Variants in SMARCA4 observed in about 807,000 individuals in gnomAD.
SMARCA4 encodes the protein SWI/SNF-related matrix-associated actin-dependent regulator of chromatin subfamily A member 4.
A neutral mutation model predicts 193.9 loss-of-function variants in SMARCA4; 31 were observed. The observed-to-expected ratio is 0.16, with a 90% CI of 0.12 to 0.22. The LOEUF (loss-of-function observed/expected upper bound fraction) is 0.22. Among genes scored for constraint, SMARCA4 ranks in the 10% least tolerant of loss-of-function variants. The pLI is 1.00. For synonymous variants in SMARCA4, 942 were observed against 933.1 expected, an observed-to-expected ratio of 1.01 and a Z score of -0.17; for missense variants, 1,148 against 2,296.0, an observed-to-expected ratio of 0.50 and a Z score of 10.22.
At chr19:11,056,547 C>T (rs1229950666) in intron 30 of SMARCA4, among the ~76,000 whole-genome samples, 2 of 152,162 alleles carry the variant, frequency 1.3e-5, no homozygotes, top group African/African-American at 4.8e-5. Flanking sequence ...TCACTCCCAC[C>T]TCAATTTCCT....
At chr19:11,010,662 C>T in intron 15 of SMARCA4, 131 bp downstream of exon 15, 1 of 868,116 alleles carries the variant, frequency 1.2e-6, no homozygotes, top group East Asian at 2.5e-5. Context: ...CACTCTTCCC[C>T]TCTGAGCCTC....
At position 10,987,033 on chromosome 19, in the gene SMARCA4, C is replaced by T. The variant is rs73013139; in HGVS notation, c.859+30C>T. 0.013 allele frequency: 18,974 copies of T among 1,487,202 alleles called. 315 individuals carry two copies. The highest frequency in any genetic ancestry group is 0.061 in the South Asian group (5,367 of 88,448). The allele number at this position is 1,487,202 out of a possible 1,614,324, so 92.1% of individuals were successfully genotyped here. On this transcript the variant is annotated intron_variant, in intron 5 of 34. Transcript: ENST00000344626. The surrounding 1 kb of genome is among the most constrained non-coding windows in gnomAD (Gnocchi z 5.3). ...GCTCCCTCTTCTATGGTGGTGCACC[C>T]GTGCCCTTACTCCCCATCTCAAGCT...
At chr19:11,013,373 CTCT>C (rs1359722701) in intron 16 of SMARCA4, among the ~76,000 whole-genome samples, 3 of 152,330 alleles carry the variant, frequency 2.0e-5, no homozygotes, top group East Asian at 1.9e-4. Context: ...GTGTCCTCAT[CTCT>C]TCTTCTTAGA....
Position 11,007,711 on chromosome 19 carries a change from T to TA in SMARCA4, c.2002-183dup, listed in dbSNP as rs755056201. ...GCAACATCCTGAGACTCCCATATAT[T>TA]AAAAAAAATAATAATAAATACATAA... On this transcript the variant is annotated intron_variant, in intron 13 of 34. Coordinates refer to ENST00000344626, the MANE Select transcript of SMARCA4 (RefSeq NM_003072.5). Among the ~76,000 whole-genome samples the TA allele has an allele frequency of 8.6e-5, 13 of 151,612 alleles. No homozygotes were observed. In the South Asian group the frequency reaches 1.5e-3, roughly 17 times the overall value.
At chr19:11,048,164 T>G (rs1472299396) in intron 30 of SMARCA4, among the ~76,000 whole-genome samples, 4 of 152,212 alleles carry the variant, frequency 2.6e-5, no homozygotes, top group Admixed American at 2.6e-4. Flanking sequence ...CTCACTTTTT[T>G]GTCTCCAACT....
At chr19:10,980,549 G>A (rs112330595) in intron 1 of SMARCA4, among the ~76,000 whole-genome samples, 1 of 151,844 alleles carries the variant, frequency 6.6e-6, no homozygotes, top group Non-Finnish European at 1.5e-5. Context: ...CATGAGAATC[G>A]CTTGAACCCC....
rs372803010 is a variant in SMARCA4 at position 10,989,332 on chromosome 19, C to T, written c.1134C>T (p.Ile378=). Residue 378 remains isoleucine (I), a synonymous_variant, in exon 7 of 35, where the codon ATC becomes ATT. Coordinates refer to ENST00000344626, the MANE Select transcript of SMARCA4 (RefSeq NM_003072.5). ...QEREYRLQAR[I]AHRIQELENL... ...CTGCTCCCAGGCTGCAGGCTCGCAT[C>T]GCACACCGAATTCAGGAACTTGAAA... The T allele has an allele frequency of 5.1e-5, 82 of 1,614,010 alleles. No individual in the cohort carries two copies. The highest frequency in any genetic ancestry group is 6.1e-5 in the Non-Finnish European group (72 of 1,180,022).
intron 21 of SMARCA4, 34 bp downstream of exon 21, chr19:11,024,472 C>T: frequency 2.9e-6 from 4 of 1,400,078 alleles, no homozygotes; most frequent in Non-Finnish European, 4.1e-6. Flanking sequence ...GCATTCCCCA[C>T]TGGGTGTCCA....
At position 11,057,222 on chromosome 19, in the gene SMARCA4, G is replaced by A. The variant is rs534238250; in HGVS notation, c.4425-1033G>A. ...ATGCGTTCTCATTTTCCCAGCCTGCGGGCTGGGTTCTGTCAGAGCAAGGTC... is the reference window on the plus strand; with the variant it reads ...ATGCGTTCTCATTTTCCCAGCCTGCAGGCTGGGTTCTGTCAGAGCAAGGTC... On this transcript the variant is annotated intron_variant, in intron 30 of 34. Transcript: ENST00000344626. Among the ~76,000 whole-genome samples, 7 of 152,228 alleles carry A rather than the reference G, an allele frequency of 4.6e-5. No individual in the cohort carries two copies. In the South Asian group the frequency reaches 6.2e-4, roughly 14 times the overall value.
Position 11,035,065 on chromosome 19 carries a change from GC to G in SMARCA4, c.4105del (p.Arg1369ValfsTer15). 6.2e-7 allele frequency: 1 copy of G among 1,613,072 alleles called. No individual in the cohort carries two copies. Among genetic ancestry groups the G allele is most frequent in the Non-Finnish European group, 8.5e-7 (1 of 1,179,932 alleles). On this transcript the variant is annotated frameshift_variant, in exon 29 of 35. Coordinates refer to ENST00000344626, the MANE Select transcript of SMARCA4 (RefSeq NM_003072.5). LOFTEE classifies it high-confidence loss of function. ...GAGGAGGAGGAGGAGAAGATGTTCG[GC>G]CGTGGCTCCCGCCACCGCAAGGAGG... is the stretch of plus-strand genomic sequence containing the variant. ...TCEEEEEKMF[G>X]RGSRHRKEVD...
At chr19:11,035,523 C>T (rs529417678) in intron 29 of SMARCA4, among the ~76,000 whole-genome samples, 30 of 152,224 alleles carry the variant, frequency 2.0e-4, no homozygotes, top group Non-Finnish European at 3.4e-4. Context: ...CCCTGCAAAG[C>T]GTTGCACTGC....
In SMARCA4 at chr19:11,031,121, G is replaced by GT. The variant is rs1270092960; in HGVS notation, c.3546+229dup. The stretch of plus-strand genomic sequence containing the variant: ...CTTTCCCTCTGATTGGGAAAGCAGT[G>GT]TATAAGCCATCCGTCGGTTTGGTTT... On this transcript the variant is annotated intron_variant, in intron 25 of 34. Transcript: ENST00000344626. The surrounding 1 kb of genome is among the most constrained non-coding windows in gnomAD (Gnocchi z 4.3). 1 of 578,386 alleles carries GT rather than the reference G, an allele frequency of 1.7e-6. No individual in the cohort carries two copies. The highest frequency in any genetic ancestry group is 3.1e-6 in the Non-Finnish European group (1 of 321,628). 35.8% of individuals were successfully genotyped at this position (578,386 alleles called of 1,614,324 possible).
intron 24 of SMARCA4, among the ~76,000 whole-genome samples, chr19:11,029,576 TGA>T (rs1218143451): frequency 1.3e-5 from 2 of 152,224 alleles, no homozygotes; most frequent in Non-Finnish European, 2.9e-5. Flanking sequence ...ATCTGGTGCC[TGA>T]GAGAGGGTGG....
chr19:11,024,234 A>G, intron 20 of SMARCA4, 97 bp from the exon 21 acceptor site: 1 of 823,790 alleles, frequency 1.2e-6, no homozygotes. Context: ...GTCAGAGCTC[A>G]TATGACAGGG....
intron 30 of SMARCA4, among the ~76,000 whole-genome samples, chr19:11,046,493 C>T (rs1026426600): frequency 1.3e-5 from 2 of 152,162 alleles, no homozygotes; most frequent in Admixed American, 6.6e-5. Context: ...GCCCATTGGA[C>T]TGGGAGTAAC....
At chr19:10,967,687 T>G (rs1309071753) in intron 1 of SMARCA4, among the ~76,000 whole-genome samples, 1 of 144,310 alleles carries the variant, frequency 6.9e-6, no homozygotes, top group East Asian at 2.0e-4. Flanking sequence ...AATGTGTGGT[T>G]TTTTTTTTTT....
At chr19:11,026,272 C>A (rs1352315123) in intron 22 of SMARCA4, 28 bp from the exon 23 acceptor site, 1 of 1,608,040 alleles carries the variant, frequency 6.2e-7, no homozygotes, top group Non-Finnish European at 8.5e-7. Flanking sequence ...TCCTGCCTGT[C>A]ACTGACCCCT....
At position 10,995,235 on chromosome 19, in the gene SMARCA4, C is replaced by T. The variant is rs959517472; in HGVS notation, c.1593+234C>T. ...TCAGGCCACTTAGCCGGCTCCTCTG[C>T]CTTCTCTGGAAAATGGAGGTGGTGC... On this transcript the variant is annotated intron_variant, in intron 9 of 34. Coordinates refer to ENST00000344626, the MANE Select transcript of SMARCA4 (RefSeq NM_003072.5). 4 of 654,702 alleles carry T rather than the reference C, an allele frequency of 6.1e-6. No homozygotes were observed. The Admixed American group carries it at 8.3e-5, about 14-fold the overall frequency. 40.6% of individuals were successfully genotyped at this position (654,702 alleles called of 1,614,324 possible). A position where few individuals can be genotyped will look rare whatever the true frequency, so the allele number is the denominator to read the frequency against.
At chr19:11,002,900 C>G (rs2087787314) in intron 11 of SMARCA4, 129 bp from the exon 12 acceptor site, 6 of 948,038 alleles carry the variant, frequency 6.3e-6, no homozygotes, top group Non-Finnish European at 8.5e-6. Flanking sequence ...CGCATTTTCC[C>G]ACCACTGGCC....
Sources: allele counts gnomAD v4.1 joint callset (sites outside exome capture counted in the v4.1 genomes callset), GRCh38; gene constraint gnomAD v4.1.1; non-coding constraint Gnocchi (gnomAD v3.1); transcripts MANE v1.5; gene names NCBI Gene and HGNC (gene_info 2026-07-23, HGNC 2026-07-21).